JAGN1: variants seen among roughly 807,000 people sequenced by gnomAD.
The protein encoded by JAGN1 is jagunal vesicle mediated transporter 1, also known as protein jagunal homolog 1.
Under a neutral mutation model 17.1 loss-of-function variants are expected in JAGN1, and 13 were observed. The ratio of observed to expected loss-of-function variants is 0.76; its 90% CI spans 0.49 to 1.21. The LOEUF is 1.21. Ranked by LOEUF, JAGN1 falls within the 50% of genes most tolerant of loss-of-function variation. The probability of loss-of-function intolerance (pLI) is 0.00; values close to 1 mark genes in which losing one functional copy is unlikely to be tolerated. For missense variants in JAGN1, 256 were observed against 234.2 expected (o/e 1.09, Z -0.61); for synonymous variants, 111 against 91.0 (o/e 1.22, Z -1.25).
In JAGN1 at chr3:9,891,397, ACAT is replaced by A. The variant is rs370654825; in HGVS notation, c.89+590_89+592del. On this transcript the variant is annotated intron_variant, in intron 1 of 1. Coordinates refer to ENST00000647897, the MANE Select transcript of JAGN1 (RefSeq NM_032492.4). The stretch of plus-strand genomic sequence containing the variant: ...AGTTCGACAAATACTGAGCTTCCAA[ACAT>A]CATACACTGCTAGACACTAGGTTAT... Among the ~76,000 whole-genome samples, 263 of 152,260 alleles carry A rather than the reference ACAT, an allele frequency of 1.7e-3. 3 individuals carry two copies. Among genetic ancestry groups the A allele is most frequent in the African/African-American group, 5.9e-3 (247 of 41,544 alleles).
chr3:9,892,153 C>G (rs279556), intron 1 of JAGN1, among the ~76,000 whole-genome samples: 73,441 of 151,690 alleles, frequency 0.48, 18,439 homozygotes, highest in Middle Eastern at 0.56. Flanking sequence ...GTAGCTGGGA[C>G]TACAGGCGCC....
rs866311017 is a variant in JAGN1 at position 9,890,660 on chromosome 3, G to T, written c.-63G>T. Reference sequence around the variant, plus strand: ...GGGGCGCAAATAGGGTCAGTGGGCCGCTTGGCGGTGTCGTTGCGGTACCAG... The same window carrying T: ...GGGGCGCAAATAGGGTCAGTGGGCCTCTTGGCGGTGTCGTTGCGGTACCAG... On this transcript the variant is annotated 5_prime_UTR_variant, in exon 1 of 2. Coordinates refer to ENST00000647897, the MANE Select transcript of JAGN1 (RefSeq NM_032492.4). 3.3e-6 allele frequency: 5 copies of T among 1,496,786 alleles called. No homozygotes were observed. The East Asian group carries it at 1.2e-4, about 36-fold the overall frequency. The allele number at this position is 1,496,786 out of a possible 1,614,324, so 92.7% of individuals were successfully genotyped here.
chr3:9,890,628 GGC>G lies in JAGN1; in HGVS notation c.-94_-93del. 1 of 1,173,834 alleles carries G rather than the reference GGC, an allele frequency of 8.5e-7. No homozygotes were observed. The highest frequency in any genetic ancestry group is 1.2e-6 in the Non-Finnish European group (1 of 827,542). 72.7% of individuals were successfully genotyped at this position (1,173,834 alleles called of 1,614,324 possible). On this transcript the variant is annotated 5_prime_UTR_variant, in exon 1 of 2. Transcript: ENST00000647897. ...GGAAGTTCTCTTCACGGAGCCGCGC[GGC>G]TGCGGGGGCGCAAATAGGGTCAGTG...
chr3:9,892,919 A>T lies in JAGN1; in HGVS notation c.94A>T (p.Thr32Ser). 1 of 1,607,354 alleles carries T rather than the reference A, an allele frequency of 6.2e-7. No homozygotes were observed. Among genetic ancestry groups the T allele is most frequent in the East Asian group, 2.2e-5 (1 of 44,778 alleles). Residue 32 changes from threonine (T) to serine (S), a missense_variant, in exon 2 of 2, where the codon ACT becomes TCT. By Grantham distance (58) the Thr-to-Ser change is moderately conservative (BLOSUM62 1). Transcript: ENST00000647897. ...RVAMHYQMSV[T>S]LKYEIKKLIY... ...TCCCTCTGCTCTGCCCCACAGTGTG[A>T]CTCTCAAGTATGAAATCAAGAAGCT...
In JAGN1 at chr3:9,893,329, G is replaced by C; in HGVS notation, c.504G>C (p.Lys168Asn). 1.2e-6 allele frequency: 2 copies of C among 1,614,144 alleles called. No individual in the cohort carries two copies. The highest frequency in any genetic ancestry group is 1.7e-6 in the Non-Finnish European group (2 of 1,179,990). ...CCTGGCAGTTGTACTACAGCAAGAAGCTCCTAGACTCTTGGTTCACCAGCA... is the reference window on the plus strand; with the variant it reads ...CCTGGCAGTTGTACTACAGCAAGAACCTCCTAGACTCTTGGTTCACCAGCA... ...VHAWQLYYSK[K>N]LLDSWFTSTQ... Residue 168 changes from lysine to asparagine, a missense_variant, in exon 2 of 2, where the codon AAG (lysine) becomes AAC (asparagine). Physicochemically the swap from Lys to Asn is moderately conservative, Grantham distance 94. Coordinates refer to ENST00000647897, the MANE Select transcript of JAGN1 (RefSeq NM_032492.4).
At chr3:9,891,015 G>T (rs1329450678) in intron 1 of JAGN1, among the ~76,000 whole-genome samples, 1 of 152,206 alleles carries the variant, frequency 6.6e-6, no homozygotes, top group Non-Finnish European at 1.5e-5. Context: ...CCCTTGTTCC[G>T]CCCGGTGCCT....
chr3:9,891,875 A>G (rs1024603097), intron 1 of JAGN1, among the ~76,000 whole-genome samples: 4 of 152,190 alleles, frequency 2.6e-5, no homozygotes, highest in African/African-American at 9.6e-5. Context: ...GAAAAAATCT[A>G]GCTGGAGAAG....
Position 9,893,008 on chromosome 3 carries a change from G to A in JAGN1, c.183G>A (p.Arg61=). Residue 61 remains arginine, a synonymous_variant, in exon 2 of 2, where the codon AGG becomes AGA. Coordinates refer to ENST00000647897, the MANE Select transcript of JAGN1 (RefSeq NM_032492.4). ...CTAAGATGAGCGTGGGACACCTGAGGCTCTTGTCACATGATCAGGTGGCCA... is the reference window on the plus strand; with the variant it reads ...CTAAGATGAGCGTGGGACACCTGAGACTCTTGTCACATGATCAGGTGGCCA... ...LVAKMSVGHL[R]LLSHDQVAMP... The A allele has an allele frequency of 6.2e-7, 1 of 1,614,150 alleles. No individual in the cohort carries two copies. The highest frequency in any genetic ancestry group is 1.3e-5 in the African/African-American group (1 of 75,042).
In JAGN1 at chr3:9,890,612, C is replaced by G; in HGVS notation, c.-111C>G. 9.8e-7 allele frequency: 1 copy of G among 1,020,174 alleles called. No homozygotes were observed. Among genetic ancestry groups the G allele is most frequent in the African/African-American group, 1.6e-5 (1 of 61,260 alleles). The allele number at this position is 1,020,174 out of a possible 1,614,324, so 63.2% of individuals were successfully genotyped here. ...CAGAGACAGAGGGGCCGGAAGTTCT[C>G]TTCACGGAGCCGCGCGGCTGCGGGG... On this transcript the variant is annotated 5_prime_UTR_variant, in exon 1 of 2. Coordinates refer to ENST00000647897, the MANE Select transcript of JAGN1 (RefSeq NM_032492.4).
At chr3:9,890,866 G>T in intron 1 of JAGN1, 55 bp downstream of exon 1, 2 of 1,455,794 alleles carry the variant, frequency 1.4e-6, no homozygotes, top group Non-Finnish European at 1.9e-6. Context: ...AGCCTGCGGG[G>T]CTTGGGGAGC....
Position 9,893,471 on chromosome 3 carries a change from A to G in JAGN1, c.*94A>G. ...CCTTCTGGTGATTTTAGCAGCTGTGATGTTGGTACCTGGTGCAGACCAGGC... is the reference window on the plus strand; with the variant it reads ...CCTTCTGGTGATTTTAGCAGCTGTGGTGTTGGTACCTGGTGCAGACCAGGC... On this transcript the variant is annotated 3_prime_UTR_variant, in exon 2 of 2. Coordinates refer to ENST00000647897, the MANE Select transcript of JAGN1 (RefSeq NM_032492.4). 1 of 1,057,694 alleles carries G rather than the reference A, an allele frequency of 9.5e-7. No homozygotes were observed. The highest frequency in any genetic ancestry group is 1.3e-6 in the Non-Finnish European group (1 of 747,774). The allele number at this position is 1,057,694 out of a possible 1,614,324, so 65.5% of individuals were successfully genotyped here.
intron 1 of JAGN1, among the ~76,000 whole-genome samples, chr3:9,891,622 A>C (rs1359402780): frequency 6.6e-6 from 1 of 152,034 alleles, no homozygotes; most frequent in Non-Finnish European, 1.5e-5. Context: ...TACTTCCTTA[A>C]ATCCATTGAT....
intron 1 of JAGN1, among the ~76,000 whole-genome samples, chr3:9,891,893 G>A (rs1575466777): frequency 1.3e-5 from 2 of 152,096 alleles, no homozygotes. Flanking sequence ...AAGTATGGGC[G>A]GCCTGAGTAC....
At chr3:9,892,344 GTTT>G (rs1014442597) in intron 1 of JAGN1, among the ~76,000 whole-genome samples, 1 of 147,844 alleles carries the variant, frequency 6.8e-6, no homozygotes, top group Non-Finnish European at 1.5e-5. Flanking sequence ...TATTGTTGTT[GTTT>G]TTTTTTTTTA....
At position 9,892,341 on chromosome 3, in the gene JAGN1, G is replaced by GTT. The variant is rs35855323; in HGVS notation, c.90-573_90-572dup. Among the ~76,000 whole-genome samples the GTT allele has an allele frequency of 6.3e-3, 921 of 145,706 alleles. 11 individuals are homozygous for GTT. The highest frequency in any genetic ancestry group is 0.032 in the Middle Eastern group (9 of 282). ...CTGCCTTTTTATTAGTAGTATTGTT[G>GTT]TTGTTTTTTTTTTTTATGGAGATGG... On this transcript the variant is annotated intron_variant, in intron 1 of 1. Transcript: ENST00000647897.
In JAGN1 at chr3:9,893,826, C is replaced by T. The variant is rs145556835; in HGVS notation, c.*449C>T. 5.3e-4 allele frequency: 91 copies of T among 171,830 alleles called. No homozygotes were observed. The highest frequency in any genetic ancestry group is 2.0e-3 in the African/African-American group (85 of 41,800). The allele number at this position is 171,830 out of a possible 1,614,324, so 10.6% of individuals were successfully genotyped here. A position where few individuals can be genotyped will look rare whatever the true frequency, so the allele number is the denominator to read the frequency against. ...CTCTGCAAAGCATTTTAATTAAAAA[C>T]CTCAATAAAGATGGCCCTGCCCACA... On this transcript the variant is annotated 3_prime_UTR_variant, in exon 2 of 2. Coordinates refer to ENST00000647897, the MANE Select transcript of JAGN1 (RefSeq NM_032492.4).
Position 9,890,753 on chromosome 3 carries a change from G to T in JAGN1, c.31G>T (p.Gly11Cys), listed in dbSNP as rs2082556698. Residue 11 changes from glycine to cysteine, a missense_variant, in exon 1 of 2, where the codon GGC becomes TGC. By Grantham distance (159) the Gly-to-Cys change is radical (BLOSUM62 -3). Coordinates refer to ENST00000647897, the MANE Select transcript of JAGN1 (RefSeq NM_032492.4). MASRAGPRAA[G>C]TDGSDFQHRE... ...GTCTCGAGCAGGCCCGCGAGCGGCC[G>T]GCACCGACGGCAGCGACTTTCAGCA... The T allele has an allele frequency of 3.1e-6, 5 of 1,609,538 alleles. No individual in the cohort carries two copies. In the Middle Eastern group the frequency reaches 4.9e-4, roughly 159 times the overall value.
In JAGN1 at chr3:9,892,695, G is replaced by A. The variant is rs1189575383; in HGVS notation, c.90-220G>A. 27 of 553,042 alleles carry A rather than the reference G, an allele frequency of 4.9e-5. No homozygotes were observed. In the Admixed American group the frequency reaches 9.3e-4, roughly 19 times the overall value. The allele number at this position is 553,042 out of a possible 1,614,324, so 34.3% of individuals were successfully genotyped here. A position where few individuals can be genotyped will look rare whatever the true frequency, so the allele number is the denominator to read the frequency against. ...TCTCTGACATTCCATGCCAGGCAGA[G>A]TTGATTCCTCCTTCCTGTGATCCCA... On this transcript the variant is annotated intron_variant, in intron 1 of 1. Transcript: ENST00000647897.
At chr3:9,892,490 T>G (rs937398459) in intron 1 of JAGN1, among the ~76,000 whole-genome samples, 3 of 152,062 alleles carry the variant, frequency 2.0e-5, no homozygotes, top group African/African-American at 7.3e-5. Flanking sequence ...ACTCTCATAG[T>G]CTTTGTGATT....
Sources: gnomAD v4.1 joint callset for allele counts (sites outside exome capture counted in the v4.1 genomes callset) on GRCh38, gnomAD v4.1.1 for gene constraint, MANE v1.5 for transcripts, NCBI Gene and HGNC (gene_info 2026-07-23, HGNC 2026-07-21) for gene names.